Variants in SCAPER observed in about 807,000 individuals in gnomAD.
SCAPER encodes the protein S-phase cyclin A associated protein in the ER.
Under a neutral mutation model 182.2 loss-of-function variants are expected in SCAPER, and 98 were observed. The observed-to-expected ratio is 0.54, with a 90% confidence interval of 0.46 to 0.64. The LOEUF is 0.64. Ranked by LOEUF, SCAPER falls within the 30% of genes least tolerant of loss-of-function variation. SCAPER has a pLI of 0.00. For missense variants in SCAPER, 1,432 were observed against 1,690.0 expected (o/e 0.85, Z 2.68); for synonymous variants, 605 against 564.6 (o/e 1.07, Z -1.01).
chr15:76,694,619 T>A (rs1165718267), intron 20 of SCAPER, among the ~76,000 whole-genome samples: 1 of 152,086 alleles, frequency 6.6e-6, no homozygotes, highest in African/African-American at 2.4e-5. Context: ...AAAAAACACA[T>A]ACCAGGAACT....
At chr15:76,372,386 C>T (rs537167859) in intron 29 of SCAPER, among the ~76,000 whole-genome samples, 3 of 152,264 alleles carry the variant, frequency 2.0e-5, no homozygotes, top group East Asian at 3.9e-4. Flanking sequence ...TCATCACTTT[C>T]CCACCATGTC....
intron 7 of SCAPER, chr15:76,797,693 CA>C (rs1466537840): frequency 6.6e-6 from 1 of 152,148 alleles, no homozygotes; most frequent in Non-Finnish European, 1.5e-5. Flanking sequence ...AAACCTCTGT[CA>C]AATCGTTAGG....
At chr15:76,466,127 G>GT in intron 25 of SCAPER, among the ~76,000 whole-genome samples, 1 of 152,178 alleles carries the variant, frequency 6.6e-6, no homozygotes, top group South Asian at 2.1e-4. Flanking sequence ...GATTTGGGAA[G>GT]TTTTGGGTCA....
At chr15:76,528,505 C>T (rs1267491685) in intron 23 of SCAPER, among the ~76,000 whole-genome samples, 3 of 152,150 alleles carry the variant, frequency 2.0e-5, no homozygotes, top group African/African-American at 4.8e-5. Flanking sequence ...AATGGCACCA[C>T]CATCCATACT....
chr15:76,369,021 C>T (rs2041982512), intron 29 of SCAPER, among the ~76,000 whole-genome samples: 1 of 152,158 alleles, frequency 6.6e-6, no homozygotes, highest in Non-Finnish European at 1.5e-5. Flanking sequence ...GAAACTGCAA[C>T]CCTATAGGAA....
At chr15:76,750,164 A>G (rs1262656144) in intron 15 of SCAPER, among the ~76,000 whole-genome samples, 1 of 149,118 alleles carries the variant, frequency 6.7e-6, no homozygotes, top group Non-Finnish European at 1.5e-5. Flanking sequence ...CTGGAACAGT[A>G]CATATCCATA....
chr15:76,464,025 T>TG (rs2049393169), intron 25 of SCAPER, among the ~76,000 whole-genome samples: 1 of 141,510 alleles, frequency 7.1e-6, no homozygotes, highest in East Asian at 2.0e-4. Context: ...TTTTTTTTTT[T>TG]GTAAAAAGAC....
chr15:76,711,143 G>A (rs1277718261), intron 17 of SCAPER, among the ~76,000 whole-genome samples: 1 of 152,052 alleles, frequency 6.6e-6, no homozygotes, highest in Admixed American at 6.6e-5. Context: ...TTTTGTGTTA[G>A]GCAACAATTT....
intron 24 of SCAPER, among the ~76,000 whole-genome samples, chr15:76,486,202 G>A (rs1445921170): frequency 6.6e-6 from 1 of 151,948 alleles, no homozygotes; most frequent in Admixed American, 6.6e-5. Flanking sequence ...GTGAGACTCT[G>A]TCTCAAAAAA....
In SCAPER at chr15:76,783,970, G is replaced by A. The variant is rs529507178; in HGVS notation, c.773-8853C>T. ...ACTGGAAGCATTCCCTTTGAAAACG[G>A]GCACAAGACAAGGATGCTCTTTCTC... On this transcript the variant is annotated intron_variant, in intron 8 of 31. Coordinates refer to ENST00000563290, the MANE Select transcript of SCAPER (RefSeq NM_020843.4). 4.6e-5 allele frequency among the ~76,000 whole-genome samples: 7 copies of A among 152,208 alleles called. No individual in the cohort carries two copies. In the East Asian group the frequency reaches 1.3e-3, roughly 29 times the overall value.
chr15:76,576,378 A>G (rs117228051), intron 22 of SCAPER, among the ~76,000 whole-genome samples: 3,271 of 152,266 alleles, frequency 0.021, 42 homozygotes, highest in South Asian at 0.034. Flanking sequence ...AAAAAACCCA[A>G]TAACTTCATA....
chr15:76,815,198 G>C (rs1174838180), intron 5 of SCAPER, among the ~76,000 whole-genome samples: 1 of 152,166 alleles, frequency 6.6e-6, no homozygotes, highest in African/African-American at 2.4e-5. Context: ...AAAACAGTAT[G>C]AAAGTTTCTC....
intron 8 of SCAPER, among the ~76,000 whole-genome samples, chr15:76,775,416 ATATAT>A (rs1354285178): frequency 2.6e-5 from 4 of 152,302 alleles, no homozygotes; most frequent in African/African-American, 7.2e-5. Flanking sequence ...TAAGTGCTTT[ATATAT>A]TATATCTCTT....
Position 76,505,034 on chromosome 15 carries a change from T to A in SCAPER, c.2839-60A>T, listed in dbSNP as rs2041456303. 9 of 1,191,662 alleles carry A rather than the reference T, an allele frequency of 7.6e-6. 1 individual carries two copies. The South Asian group carries it at 1.2e-4, about 16-fold the overall frequency. 73.8% of individuals were successfully genotyped at this position (1,191,662 alleles called of 1,614,324 possible). A position where few individuals can be genotyped will look rare whatever the true frequency, so the allele number is the denominator to read the frequency against. ...TCCCAGGCATTAAACTATAACCAAA[T>A]GATATCTGTAGTCTGAAACATACTG... On this transcript the variant is annotated intron_variant, in intron 23 of 31. Transcript: ENST00000563290.
chr15:76,640,129 A>C (rs1163894199), intron 21 of SCAPER, among the ~76,000 whole-genome samples: 1 of 152,200 alleles, frequency 6.6e-6, no homozygotes, highest in East Asian at 1.9e-4. Context: ...CTACTGCTGG[A>C]GTTGCATTAC....
At chr15:76,659,983 A>C (rs2055996912) in intron 21 of SCAPER, among the ~76,000 whole-genome samples, 1 of 152,212 alleles carries the variant, frequency 6.6e-6, no homozygotes, top group African/African-American at 2.4e-5. Flanking sequence ...CAGACATGGA[A>C]TCAACCTAAA....
intron 17 of SCAPER, among the ~76,000 whole-genome samples, chr15:76,721,396 C>A (rs2060231849): frequency 6.6e-6 from 1 of 151,796 alleles, no homozygotes; most frequent in African/African-American, 2.4e-5. Context: ...TTAGGATTGA[C>A]TTGGCGATGC....
chr15:76,372,868 G>A (rs1173493104), intron 29 of SCAPER, among the ~76,000 whole-genome samples: 3 of 152,126 alleles, frequency 2.0e-5, no homozygotes, highest in African/African-American at 7.2e-5. Flanking sequence ...CAGGACGCAA[G>A]CATTTGTACA....
chr15:76,649,658 A>C (rs988676465), intron 21 of SCAPER, among the ~76,000 whole-genome samples: 1 of 151,192 alleles, frequency 6.6e-6, no homozygotes, highest in Admixed American at 6.6e-5. Flanking sequence ...AAAAAGAAAA[A>C]AAGGAATGTG....
Sources: gnomAD v4.1 joint callset for allele counts (sites outside exome capture counted in the v4.1 genomes callset) on GRCh38, gnomAD v4.1.1 for gene constraint, MANE v1.5 for transcripts, NCBI Gene and HGNC (gene_info 2026-07-23, HGNC 2026-07-21) for gene names.